Variants in ATP11C observed in about 807,000 individuals in gnomAD.
ATP11C encodes the protein phospholipid-transporting ATPase IG.
ATP11C carries 36 observed loss-of-function variants against 97.4 expected under a neutral mutation model. The observed-to-expected ratio is 0.37, with a 90% CI of 0.28 to 0.49. The LOEUF (loss-of-function observed/expected upper bound fraction) is 0.49. ATP11C is among the 20% of genes least tolerant of loss of function. The probability of loss-of-function intolerance (pLI) is 0.98; values close to 1 mark genes in which losing one functional copy is unlikely to be tolerated. For missense variants in ATP11C, 730 were observed against 824.6 expected, an observed-to-expected ratio of 0.89 and a Z score of 1.40; for synonymous variants, 275 against 290.9, an observed-to-expected ratio of 0.95 and a Z score of 0.56.
At chrX:139,798,481 A>G in intron 9 of ATP11C, 127 bp from the exon 10 acceptor site, 1 of 518,853 alleles carries the variant, frequency 1.9e-6, no homozygotes, top group Non-Finnish European at 3.1e-6. Flanking sequence ...CCAGTTGTAT[A>G]TCATTTATAG....
At chrX:139,800,987 A>G (rs2082915202) in intron 7 of ATP11C, among the ~76,000 whole-genome samples, 1 of 112,297 alleles carries the variant, frequency 8.9e-6, no homozygotes, top group Non-Finnish European at 1.9e-5. Flanking sequence ...TCCTTGCCCT[A>G]TAAAAGTAAA....
chrX:139,931,896 G>C, intron 1 of ATP11C, 120 bp downstream of exon 1: 2 of 873,852 alleles, frequency 2.3e-6, no homozygotes, highest in Non-Finnish European at 3.1e-6. Context: ...AGGAAGAAGA[G>C]GGGTGGTGGT....
rs146357454 is a variant in ATP11C, at chrX:139,783,672, A to G, written c.1667-405T>C. On this transcript the variant is annotated intron_variant, in intron 16 of 29. Transcript: ENST00000682941. ...AGGATCACTTAAGCTCAGGAGTTCA[A>G]GACCAGCCTGGGCAACACAGGGAGA... 2.9e-3 allele frequency among the ~76,000 whole-genome samples: 327 copies of G among 111,260 alleles called. 2 individuals are homozygous for G. The highest frequency in any genetic ancestry group is 8.9e-3 in the African/African-American group (271 of 30,589).
At position 139,809,212 on chromosome X, in the gene ATP11C, A is replaced by T. The variant is rs188916369; in HGVS notation, c.427-4613T>A. Among the ~76,000 whole-genome samples the T allele has an allele frequency of 2.7e-5, 3 of 112,412 alleles. No homozygotes were observed. The Admixed American group carries it at 2.8e-4, about 11-fold the overall frequency. ...ATCAAAGGGAAAAACTCAGATACTTATATACCAATGTTCACAGCAGCATTA... is the reference window on the plus strand; with the variant it reads ...ATCAAAGGGAAAAACTCAGATACTTTTATACCAATGTTCACAGCAGCATTA... On this transcript the variant is annotated intron_variant, in intron 5 of 29. Transcript: ENST00000682941.
At chrX:139,868,199 T>C (rs1360793014) in intron 1 of ATP11C, among the ~76,000 whole-genome samples, 1 of 111,405 alleles carries the variant, frequency 9.0e-6, no homozygotes, top group Non-Finnish European at 1.9e-5. Flanking sequence ...GAAACTCCTA[T>C]AAGAAAACAT....
In ATP11C at chrX:139,808,596, C is replaced by T. The variant is rs777375202; in HGVS notation, c.427-3997G>A. On this transcript the variant is annotated intron_variant, in intron 5 of 29. Coordinates refer to ENST00000682941, the MANE Select transcript of ATP11C (RefSeq NM_001353812.2). ...AAAGTACTGAAAGAAAAAAACCCCT[C>T]TAACCCATAATTCTATATAGCCAGA... is the stretch of plus-strand genomic sequence containing the variant. Among the ~76,000 whole-genome samples, 8 of 111,545 alleles carry T rather than the reference C, an allele frequency of 7.2e-5. No individual in the cohort carries two copies. In the East Asian group the frequency reaches 1.4e-3, roughly 20 times the overall value.
At chrX:139,793,854 G>A (rs2082741051) in intron 12 of ATP11C, among the ~76,000 whole-genome samples, 1 of 111,340 alleles carries the variant, frequency 9.0e-6, no homozygotes, top group Non-Finnish European at 1.9e-5. Context: ...TAGGTCTGAT[G>A]TGTGTGTCTC....
intron 25 of ATP11C, among the ~76,000 whole-genome samples, chrX:139,744,786 G>A (rs771069344): frequency 1.2e-4 from 13 of 111,747 alleles, no homozygotes; most frequent in African/African-American, 4.2e-4. Context: ...GCAGATCTGT[G>A]TTTCCCCAAC....
At chrX:139,819,745 C>T (rs2083363966) in intron 2 of ATP11C, among the ~76,000 whole-genome samples, 1 of 112,404 alleles carries the variant, frequency 8.9e-6, no homozygotes, top group Non-Finnish European at 1.9e-5. Flanking sequence ...CTTGATAACA[C>T]TTATTATAGT....
At chrX:139,892,735 G>T (rs1037573230) in intron 1 of ATP11C, among the ~76,000 whole-genome samples, 5 of 111,599 alleles carry the variant, frequency 4.5e-5, no homozygotes, top group African/African-American at 1.6e-4. Context: ...AATGATACTA[G>T]CAAACATGCT....
intron 27 of ATP11C, among the ~76,000 whole-genome samples, chrX:139,739,107 G>A (rs2081503657): frequency 9.0e-6 from 1 of 110,696 alleles, no homozygotes; most frequent in Non-Finnish European, 1.9e-5. Context: ...GGCTTTCTGG[G>A]AAAAGTCTGC....
intron 20 of ATP11C, among the ~76,000 whole-genome samples, chrX:139,766,615 T>C (rs1387006731): frequency 1.8e-5 from 2 of 110,454 alleles, no homozygotes; most frequent in African/African-American, 6.7e-5. Context: ...TATGTGTGCG[T>C]GTGTGTGTGC....
Position 139,932,059 on chromosome X carries a change from G to C in ATP11C, c.-17C>G, listed in dbSNP as rs905394860. ...GCGGAACATCGCGTCGAAGGCTGCC[G>C]GGCGCTGAGCTGGGCTCTACCGGGC... On this transcript the variant is annotated 5_prime_UTR_variant, in exon 1 of 30. Coordinates refer to ENST00000682941, the MANE Select transcript of ATP11C (RefSeq NM_001353812.2). 8.6e-7 allele frequency: 1 copy of C among 1,159,100 alleles called. No homozygotes were observed. The highest frequency in any genetic ancestry group is 1.2e-6 in the Non-Finnish European group (1 of 868,685).
intron 1 of ATP11C, among the ~76,000 whole-genome samples, chrX:139,842,100 C>T (rs924423957): frequency 8.9e-6 from 1 of 112,457 alleles, no homozygotes; most frequent in South Asian, 3.6e-4. Context: ...GGTGCAATCT[C>T]GGCTCACTGC....
chrX:139,804,019 T>A (rs1334567236), intron 6 of ATP11C, among the ~76,000 whole-genome samples: 1 of 110,834 alleles, frequency 9.0e-6, no homozygotes, highest in Non-Finnish European at 1.9e-5. Context: ...TATTTTTAAA[T>A]AGCAATCAAA....
At chrX:139,922,662 C>T (rs1412540988) in intron 1 of ATP11C, among the ~76,000 whole-genome samples, 2 of 111,152 alleles carry the variant, frequency 1.8e-5, no homozygotes, top group Non-Finnish European at 3.8e-5. Context: ...CAGTCTGCGA[C>T]GTGAAGCCCC....
upstream of ATP11C, among the ~76,000 whole-genome samples, chrX:139,936,417 C>G (rs1258530741): frequency 9.0e-6 from 1 of 111,304 alleles, no homozygotes; most frequent in African/African-American, 3.3e-5. Flanking sequence ...GGGACAACTC[C>G]ATTGAACAGA....
At chrX:139,812,832 T>G (rs1401978842) in intron 5 of ATP11C, among the ~76,000 whole-genome samples, 1 of 112,289 alleles carries the variant, frequency 8.9e-6, no homozygotes, top group Non-Finnish European at 1.9e-5. Flanking sequence ...CCTTTGGTTC[T>G]TACGCTGATC....
intron 1 of ATP11C, among the ~76,000 whole-genome samples, chrX:139,853,398 CAA>C (rs1448302978): frequency 9.4e-6 from 1 of 106,414 alleles, no homozygotes; most frequent in Non-Finnish European, 1.9e-5. Context: ...AGAGAAGAGG[CAA>C]AGAGAGAGAG....
Sources: allele counts gnomAD v4.1 joint callset (sites outside exome capture counted in the v4.1 genomes callset), GRCh38; gene constraint gnomAD v4.1.1; transcripts MANE v1.5; gene names NCBI Gene and HGNC (gene_info 2026-07-23, HGNC 2026-07-21).